The following SPSB1 variants were observed in gnomAD, a reference collection of about 807,000 sequenced individuals.
SPSB1 encodes SPRY domain-containing SOCS box protein 1.
Under a neutral mutation model 21.2 loss-of-function variants are expected in SPSB1, and 8 were observed. That is an observed-to-expected ratio of 0.38 (90% CI 0.22 to 0.68). The LOEUF is 0.68. Among genes scored for constraint, SPSB1 ranks in the 30% least tolerant of loss-of-function variants. The pLI, the probability that SPSB1 is intolerant of heterozygous loss-of-function variation, is 0.53. For missense variants in SPSB1, 242 were observed against 377.8 expected, an observed-to-expected ratio of 0.64 and a Z score of 2.98; for synonymous variants, 169 against 161.7, an observed-to-expected ratio of 1.05 and a Z score of -0.34.
intron 1 of SPSB1, among the ~76,000 whole-genome samples, chr1:9,307,705 T>C (rs947722882): frequency 6.6e-6 from 1 of 152,210 alleles, no homozygotes; most frequent in Admixed American, 6.5e-5. Context: ...CACCAGAGAC[T>C]CAGCCACCAT....
intron 1 of SPSB1, among the ~76,000 whole-genome samples, chr1:9,304,690 A>G (rs1639384523): frequency 6.6e-6 from 1 of 152,076 alleles, no homozygotes; most frequent in Non-Finnish European, 1.5e-5. Flanking sequence ...CTGGGGGACT[A>G]GGTCCATGGA....
intron 1 of SPSB1, among the ~76,000 whole-genome samples, chr1:9,330,730 C>T (rs1466515084): frequency 1.3e-5 from 2 of 150,604 alleles, no homozygotes; most frequent in East Asian, 3.9e-4. Context: ...CGTGGTAAAA[C>T]ATACAAAAAC....
rs528821604 is a variant in SPSB1 at position 9,301,024 on chromosome 1, G to A, written c.-150+7953G>A. ...CACCTCTGAAGGATGGGGGTGAAGG[G>A]AAATCCTCCCTGGCAGAGCTTCGGG... On this transcript the variant is annotated intron_variant, in intron 1 of 2. Transcript: ENST00000328089. 3.4e-4 allele frequency among the ~76,000 whole-genome samples: 52 copies of A among 152,360 alleles called. No individual in the cohort carries two copies. The Middle Eastern group carries it at 0.01, about 30-fold the overall frequency.
chr1:9,293,199 C>T lies in SPSB1; in HGVS notation c.-150+128C>T. ...GGGGGACCGAGTGGGTGGCGCGGGG[C>T]CGGGCGCGGGGGAGCGGGTGGAGTA... On this transcript the variant is annotated intron_variant, in intron 1 of 2. Coordinates refer to ENST00000328089, the MANE Select transcript of SPSB1 (RefSeq NM_025106.4). This position sits in a 1 kb window ranked among gnomAD's most constrained non-coding sequence, Gnocchi z 5.1. The T allele has an allele frequency of 5.2e-6, 5 of 954,584 alleles. No homozygotes were observed. The highest frequency in any genetic ancestry group is 1.8e-5 in the African/African-American group (1 of 56,148). 59.1% of individuals were successfully genotyped at this position (954,584 alleles called of 1,614,324 possible). A position where few individuals can be genotyped will look rare whatever the true frequency, so the allele number is the denominator to read the frequency against.
intron 1 of SPSB1, among the ~76,000 whole-genome samples, chr1:9,323,159 A>AG (rs1018363494): frequency 3.9e-5 from 6 of 152,010 alleles, no homozygotes; most frequent in Non-Finnish European, 5.9e-5. Context: ...GCCATGTTGG[A>AG]GGGGGGTATC....
At chr1:9,310,218 A>G (rs1408001484) in intron 1 of SPSB1, among the ~76,000 whole-genome samples, 1 of 152,202 alleles carries the variant, frequency 6.6e-6, no homozygotes, top group African/African-American at 2.4e-5. Flanking sequence ...TGGGAAGGCC[A>G]CAGAGTCTAG....
chr1:9,327,813 A>G (rs1015099215), intron 1 of SPSB1, among the ~76,000 whole-genome samples: 3 of 152,228 alleles, frequency 2.0e-5, no homozygotes, highest in Non-Finnish European at 4.4e-5. Context: ...GACAACATGT[A>G]AACTGGTGAG....
chr1:9,328,522 C>T (rs1222835195), intron 1 of SPSB1, among the ~76,000 whole-genome samples: 2 of 152,202 alleles, frequency 1.3e-5, no homozygotes, highest in Non-Finnish European at 2.9e-5. Context: ...GAGCTGATTT[C>T]TTTCAATGCT....
At chr1:9,330,408 T>G (rs1639894668) in intron 1 of SPSB1, among the ~76,000 whole-genome samples, 1 of 152,116 alleles carries the variant, frequency 6.6e-6, no homozygotes, top group South Asian at 2.1e-4. Flanking sequence ...GAGGTTGCAG[T>G]GAGCCAAGAT....
intron 2 of SPSB1, among the ~76,000 whole-genome samples, chr1:9,361,926 T>C (rs923059490): frequency 2.0e-5 from 3 of 152,256 alleles, no homozygotes; most frequent in Non-Finnish European, 4.4e-5. Context: ...GTCCTCTGGC[T>C]CTACCCCCAC....
Position 9,299,468 on chromosome 1 carries a change from A to ATCTCTC in SPSB1, c.-150+6413_-150+6418dup, listed in dbSNP as rs113928555. 1.4e-3 allele frequency among the ~76,000 whole-genome samples: 204 copies of ATCTCTC among 150,388 alleles called. 1 individual carries two copies. In the South Asian group the frequency reaches 0.032, roughly 24 times the overall value. On this transcript the variant is annotated intron_variant, in intron 1 of 2. Coordinates refer to ENST00000328089, the MANE Select transcript of SPSB1 (RefSeq NM_025106.4). ...AGCCTGGGCAACACAGTGAGACGTC[A>ATCTCTC]TCTCTCTCTCTCTCTCTCTCTTTTT...
chr1:9,359,117 TAGTC>T (rs1289216248), intron 2 of SPSB1, among the ~76,000 whole-genome samples: 1 of 152,190 alleles, frequency 6.6e-6, no homozygotes, highest in African/African-American at 2.4e-5. Flanking sequence ...CGGGCGCTAT[TAGTC>T]AGTGACGAGG....
chr1:9,336,613 G>A (rs1346400591), intron 1 of SPSB1, among the ~76,000 whole-genome samples: 2 of 152,224 alleles, frequency 1.3e-5, no homozygotes, highest in Admixed American at 1.3e-4. Context: ...TCAAGGAAGA[G>A]TCTGGGGCAG....
intron 1 of SPSB1, among the ~76,000 whole-genome samples, chr1:9,320,591 C>G (rs892570773): frequency 3.3e-5 from 5 of 152,214 alleles, no homozygotes; most frequent in African/African-American, 1.2e-4. Flanking sequence ...GCACGCAGCC[C>G]TCTCTTCCAT....
At chr1:9,361,209 T>C (rs1331219341) in intron 2 of SPSB1, among the ~76,000 whole-genome samples, 1 of 139,042 alleles carries the variant, frequency 7.2e-6, no homozygotes, top group Non-Finnish European at 1.5e-5. Context: ...CTATGTTGCC[T>C]AGGCTGGTCT....
Position 9,324,748 on chromosome 1 carries a change from A to G in SPSB1, c.-149-30995A>G, listed in dbSNP as rs907517682. Among the ~76,000 whole-genome samples, 1 of 151,840 alleles carries G rather than the reference A, an allele frequency of 6.6e-6. No homozygotes were observed. The highest frequency in any genetic ancestry group is 2.4e-5 in the African/African-American group (1 of 41,312). ...AATCTCTCTGGGAATGAGCACAGCC[A>G]CCTCCGAGCCACAGCTCACTCTGAC... is the stretch of plus-strand genomic sequence containing the variant. On this transcript the variant is annotated intron_variant, in intron 1 of 2. Transcript: ENST00000328089. This position sits in a 1 kb window ranked among gnomAD's most constrained non-coding sequence, Gnocchi z 4.3.
At chr1:9,314,417 T>G (rs1294050) in intron 1 of SPSB1, among the ~76,000 whole-genome samples, 48,229 of 151,690 alleles carry the variant, frequency 0.32, 8,358 homozygotes, top group East Asian at 0.65. Context: ...GATGGGCACC[T>G]GGCTGCCCAC....
chr1:9,329,773 C>G (rs1054515953), intron 1 of SPSB1, among the ~76,000 whole-genome samples: 2 of 150,676 alleles, frequency 1.3e-5, no homozygotes, highest in African/African-American at 2.4e-5. Context: ...CTTCCCAGAT[C>G]TCGGCATCGG....
chr1:9,328,083 G>A (rs181454948), intron 1 of SPSB1, among the ~76,000 whole-genome samples: 1 of 152,362 alleles, frequency 6.6e-6, no homozygotes, highest in Admixed American at 6.5e-5. Flanking sequence ...GCTGGAGCAG[G>A]TGATGAACAG....
Sources: gnomAD v4.1 joint callset for allele counts (sites outside exome capture counted in the v4.1 genomes callset) on GRCh38, gnomAD v4.1.1 for gene constraint, Gnocchi (gnomAD v3.1) non-coding constraint, MANE v1.5 for transcripts, NCBI Gene and HGNC (gene_info 2026-07-23, HGNC 2026-07-21) for gene names.